Variants in SUGCT observed in about 807,000 individuals in gnomAD.
SUGCT encodes succinyl-CoA:glutarate-CoA transferase, also known as succinyl-CoA:glutarate CoA-transferase.
A neutral mutation model predicts 55.0 loss-of-function variants in SUGCT; 41 were observed. The ratio of observed to expected loss-of-function variants is 0.74; its 90% confidence interval spans 0.58 to 0.97. The LOEUF (loss-of-function observed/expected upper bound fraction) is 0.97, where lower values mean the gene tolerates loss of function less well. Among genes scored for constraint, SUGCT ranks in the 50% least tolerant of loss-of-function variants. The pLI, the probability that SUGCT is intolerant of heterozygous loss-of-function variation, is 0.00. For missense variants in SUGCT, 568 were observed against 547.8 expected (o/e 1.04, Z -0.37); for synonymous variants, 187 against 200.4 (o/e 0.93, Z 0.56).
chr7:40,205,265 C>T (rs886827274), intron 6 of SUGCT, among the ~76,000 whole-genome samples: 1 of 150,220 alleles, frequency 6.7e-6, no homozygotes, highest in Non-Finnish European at 1.5e-5. Flanking sequence ...AACAAAACAA[C>T]AAAACAAAAA....
At chr7:40,560,379 G>C (rs904313723) in intron 12 of SUGCT, among the ~76,000 whole-genome samples, 1 of 152,192 alleles carries the variant, frequency 6.6e-6, no homozygotes, top group Non-Finnish European at 1.5e-5. Context: ...TGGGCAGAGA[G>C]ACAGAGGAAA....
the SUGCT span, among the ~76,000 whole-genome samples, chr7:40,986,819 T>G: frequency 0.014 from 2,087 of 152,162 alleles, 144 homozygotes; most frequent in East Asian, 0.13. Flanking sequence ...ATTATGCAAT[T>G]CTCCCTAACT....
chr7:40,496,160 G>A (rs1791960121), intron 11 of SUGCT, 124 bp from the exon 12 acceptor site: 1 of 631,924 alleles, frequency 1.6e-6, no homozygotes, highest in African/African-American at 1.8e-5. Context: ...CAAATGAGGT[G>A]TAAAGAAAGA....
chr7:40,778,860 T>C (rs570388472), intron 13 of SUGCT, among the ~76,000 whole-genome samples: 214 of 152,332 alleles, frequency 1.4e-3, no homozygotes, highest in African/African-American at 5.0e-3. Context: ...CACCCCATTA[T>C]TTTCTGTATG....
chr7:40,953,014 G>T, the SUGCT span, among the ~76,000 whole-genome samples: 1 of 152,090 alleles, frequency 6.6e-6, no homozygotes, highest in Non-Finnish European at 1.5e-5. Context: ...TGCTAGATTG[G>T]GGAAGTTCTC....
intron 9 of SUGCT, among the ~76,000 whole-genome samples, chr7:40,441,582 T>A (rs1278034261): frequency 1.3e-5 from 2 of 152,120 alleles, no homozygotes; most frequent in Non-Finnish European, 2.9e-5. Flanking sequence ...GATAGGATGT[T>A]AAAAAAATGC....
chr7:40,343,597 C>T (rs908260368), intron 9 of SUGCT, among the ~76,000 whole-genome samples: 1 of 152,126 alleles, frequency 6.6e-6, no homozygotes, highest in East Asian at 1.9e-4. Flanking sequence ...TTCTTTCTCA[C>T]TCCTCTACCC....
At chr7:40,976,110 G>A in the SUGCT span, among the ~76,000 whole-genome samples, 2 of 152,164 alleles carry the variant, frequency 1.3e-5, no homozygotes, top group African/African-American at 4.8e-5. Flanking sequence ...AGGGGCATTC[G>A]GTTTACTAAT....
chr7:40,657,038 A>G (rs963726196), intron 12 of SUGCT, among the ~76,000 whole-genome samples: 1 of 152,140 alleles, frequency 6.6e-6, no homozygotes, highest in Non-Finnish European at 1.5e-5. Flanking sequence ...GAAACCGTTT[A>G]CTTTTTTGTG....
intron 12 of SUGCT, among the ~76,000 whole-genome samples, chr7:40,577,676 T>A (rs1796841060): frequency 6.6e-6 from 1 of 152,178 alleles, no homozygotes; most frequent in Admixed American, 6.5e-5. Flanking sequence ...GAACAAAGTT[T>A]ATAGACTCTG....
intron 12 of SUGCT, among the ~76,000 whole-genome samples, chr7:40,691,941 ATTCT>A (rs1454445972): frequency 6.6e-6 from 1 of 152,148 alleles, no homozygotes; most frequent in East Asian, 1.9e-4. Context: ...TTCTCATTGG[ATTCT>A]TATTGAAATG....
At chr7:40,906,350 A>G in the SUGCT span, among the ~76,000 whole-genome samples, 2 of 152,116 alleles carry the variant, frequency 1.3e-5, no homozygotes, top group African/African-American at 4.8e-5. Flanking sequence ...AACTGGGGAA[A>G]CATTGGCCAA....
chr7:40,476,106 G>C (rs964952786), intron 11 of SUGCT, among the ~76,000 whole-genome samples: 4 of 152,014 alleles, frequency 2.6e-5, no homozygotes, highest in Non-Finnish European at 5.9e-5. Flanking sequence ...TATGCTTCAG[G>C]CCCCTCATAT....
chr7:40,885,351 C>G, the SUGCT span, among the ~76,000 whole-genome samples: 1 of 152,118 alleles, frequency 6.6e-6, no homozygotes, highest in Non-Finnish European at 1.5e-5. Flanking sequence ...CTTCTTCCTT[C>G]TTTTAATGGA....
chr7:40,807,091 T>G (rs1791141693), intron 13 of SUGCT, among the ~76,000 whole-genome samples: 1 of 152,192 alleles, frequency 6.6e-6, no homozygotes, highest in Admixed American at 6.5e-5. Context: ...AGCAGTAGTG[T>G]TAGTAGTGGT....
the SUGCT span, among the ~76,000 whole-genome samples, chr7:40,875,589 G>T: frequency 6.6e-6 from 1 of 152,210 alleles, no homozygotes; most frequent in South Asian, 2.1e-4. Flanking sequence ...CACAACAAAT[G>T]TGTTTTGTCA....
intron 9 of SUGCT, among the ~76,000 whole-genome samples, chr7:40,419,071 A>G (rs1031105875): frequency 6.6e-6 from 1 of 152,204 alleles, no homozygotes; most frequent in Non-Finnish European, 1.5e-5. Flanking sequence ...AGTATGTTAA[A>G]TGAGTTTTTT....
intron 9 of SUGCT, among the ~76,000 whole-genome samples, chr7:40,425,775 A>G (rs1026759521): frequency 6.6e-6 from 1 of 152,126 alleles, no homozygotes; most frequent in Admixed American, 6.6e-5. Flanking sequence ...ACAATTATCC[A>G]AGGATATCAG....
chr7:41,026,525 A>T, the SUGCT span, among the ~76,000 whole-genome samples: 2 of 152,224 alleles, frequency 1.3e-5, no homozygotes, highest in African/African-American at 4.8e-5. Flanking sequence ...AATTCTATTT[A>T]TATTCAGTGA....
Sources: gnomAD v4.1 joint callset for allele counts (sites outside exome capture counted in the v4.1 genomes callset) on GRCh38, gnomAD v4.1.1 for gene constraint, MANE v1.5 for transcripts, NCBI Gene and HGNC (gene_info 2026-07-23, HGNC 2026-07-21) for gene names.